Variants in FOXO1 observed in about 807,000 individuals in gnomAD.
FOXO1 encodes the protein forkhead box O1.
FOXO1 carries 6 observed loss-of-function variants against 44.1 expected under a neutral mutation model. That is an observed-to-expected ratio of 0.14 (90% CI 0.07 to 0.27). The LOEUF (loss-of-function observed/expected upper bound fraction) is 0.27, where lower values mean the gene tolerates loss of function less well. Among genes scored for constraint, FOXO1 ranks in the 10% least tolerant of loss-of-function variants. The probability of loss-of-function intolerance (pLI) is 1.00; values close to 1 mark genes in which losing one functional copy is unlikely to be tolerated. For synonymous variants in FOXO1, 380 were observed against 362.7 expected, an observed-to-expected ratio of 1.05 and a Z score of -0.54; for missense variants, 737 against 888.8, an observed-to-expected ratio of 0.83 and a Z score of 2.17.
chr13:40,642,361 G>C (rs774013551), intron 1 of FOXO1, among the ~76,000 whole-genome samples: 1 of 152,070 alleles, frequency 6.6e-6, no homozygotes, highest in Non-Finnish European at 1.5e-5. Context: ...CTCAACCAGT[G>C]TACTTCCCTC....
rs1366251126 is a variant in FOXO1 at position 40,556,016 on chromosome 13, G to A, written c.*3033C>T. On this transcript the variant is annotated 3_prime_UTR_variant, in exon 3 of 3. Coordinates refer to ENST00000379561, the MANE Select transcript of FOXO1 (RefSeq NM_002015.4). ...AGAGGCCAACTGTAATGCCAGGTTGGTCTGTTCGCATAAACCACAATACAT... is the reference window on the plus strand; with the variant it reads ...AGAGGCCAACTGTAATGCCAGGTTGATCTGTTCGCATAAACCACAATACAT... 6 of 152,292 alleles carry A rather than the reference G, an allele frequency of 3.9e-5. No homozygotes were observed. The highest frequency in any genetic ancestry group is 2.9e-5 in the Non-Finnish European group (2 of 68,040). 9.4% of individuals were successfully genotyped at this position (152,292 alleles called of 1,614,324 possible).
At chr13:40,646,079 A>G in intron 1 of FOXO1, among the ~76,000 whole-genome samples, 1 of 151,938 alleles carries the variant, frequency 6.6e-6, no homozygotes, top group Non-Finnish European at 1.5e-5. Context: ...AAAAAAAAAA[A>G]AAAAGTCATG....
intron 1 of FOXO1, among the ~76,000 whole-genome samples, chr13:40,652,119 C>T (rs1342286084): frequency 6.6e-6 from 1 of 152,114 alleles, no homozygotes; most frequent in African/African-American, 2.4e-5. Flanking sequence ...AAGTTCCCCT[C>T]TCCTCCCTCC....
chr13:40,635,631 A>G (rs1368555991), intron 1 of FOXO1, among the ~76,000 whole-genome samples: 1 of 152,222 alleles, frequency 6.6e-6, no homozygotes, highest in African/African-American at 2.4e-5. Context: ...TTTACAGAGG[A>G]AAATTGAGAT....
intron 1 of FOXO1, among the ~76,000 whole-genome samples, chr13:40,650,727 CTT>C (rs1877652219): frequency 6.6e-6 from 1 of 152,078 alleles, no homozygotes; most frequent in Non-Finnish European, 1.5e-5. Flanking sequence ...GGATTCTGCT[CTT>C]GTTTAGCTTT....
chr13:40,653,172 G>C (rs1410929700), intron 1 of FOXO1, among the ~76,000 whole-genome samples: 1 of 152,000 alleles, frequency 6.6e-6, no homozygotes, highest in Admixed American at 6.6e-5. Context: ...GTTTCACCAT[G>C]TTGCCAGGCT....
At chr13:40,607,176 T>G (rs1876029254) in intron 1 of FOXO1, among the ~76,000 whole-genome samples, 1 of 152,200 alleles carries the variant, frequency 6.6e-6, no homozygotes, top group South Asian at 2.1e-4. Context: ...GTTGGGCCTC[T>G]GGTACAGAAG....
In FOXO1 at chr13:40,637,559, A is replaced by G. The variant is rs377274263; in HGVS notation, c.630+28024T>C. On this transcript the variant is annotated intron_variant, in intron 1 of 2. Coordinates refer to ENST00000379561, the MANE Select transcript of FOXO1 (RefSeq NM_002015.4). The stretch of plus-strand genomic sequence containing the variant: ...CCAACTCAAAAAATGTCAGCCTTCT[A>G]TTTTCTGCTTTCTATATATAATCTG... 1.5e-4 allele frequency among the ~76,000 whole-genome samples: 22 copies of G among 151,496 alleles called. No individual in the cohort carries two copies. The East Asian group carries it at 2.9e-3, about 20-fold the overall frequency.
chr13:40,637,380 G>A (rs1877194889), intron 1 of FOXO1, among the ~76,000 whole-genome samples: 1 of 147,244 alleles, frequency 6.8e-6, no homozygotes, highest in Non-Finnish European at 1.5e-5. Flanking sequence ...GGAGGCGGAG[G>A]TTGCAGTGAG....
Position 40,559,491 on chromosome 13 carries a change from A to G in FOXO1, c.*14+18T>C. On this transcript the variant is annotated intron_variant, in intron 2 of 2. Coordinates refer to ENST00000379561, the MANE Select transcript of FOXO1 (RefSeq NM_002015.4). ...GTTCTATTTTTCAAAAGGTCTTTTG[A>G]TATTGGGGTGAACTTACCTGCTCAC... The G allele has an allele frequency of 4.6e-6, 7 of 1,531,876 alleles. No homozygotes were observed. The highest frequency in any genetic ancestry group is 6.1e-6 in the Non-Finnish European group (7 of 1,140,594). 94.9% of individuals were successfully genotyped at this position (1,531,876 alleles called of 1,614,324 possible).
intron 1 of FOXO1, among the ~76,000 whole-genome samples, chr13:40,627,931 T>C (rs769237877): frequency 6.6e-6 from 1 of 151,992 alleles, no homozygotes; most frequent in Non-Finnish European, 1.5e-5. Context: ...GAAATACACA[T>C]TGAAGCATTA....
At chr13:40,559,062 C>T (rs993582467) in intron 2 of FOXO1, 28 bp from the exon 3 acceptor site, 2 of 398,924 alleles carry the variant, frequency 5.0e-6, no homozygotes, top group Non-Finnish European at 8.8e-6. Context: ...CATACGCACA[C>T]ACACATACAC....
intron 1 of FOXO1, among the ~76,000 whole-genome samples, chr13:40,664,768 C>G (rs965752002): frequency 1.3e-5 from 2 of 151,778 alleles, no homozygotes; most frequent in African/African-American, 4.8e-5. Context: ...CGCGCTGGCC[C>G]TTTAAAGGCG....
chr13:40,561,265 T>G, intron 1 of FOXO1, among the ~76,000 whole-genome samples: 1 of 144,560 alleles, frequency 6.9e-6, no homozygotes. Flanking sequence ...GGCAGGAGAA[T>G]GGCGTGAACC....
At chr13:40,563,939 C>T (rs879926715) in intron 1 of FOXO1, among the ~76,000 whole-genome samples, 1 of 152,204 alleles carries the variant, frequency 6.6e-6, no homozygotes, top group Admixed American at 6.5e-5. Context: ...CAGGCATTTG[C>T]ACAATATTCC....
At chr13:40,631,792 A>G (rs540985890) in intron 1 of FOXO1, among the ~76,000 whole-genome samples, 4 of 152,390 alleles carry the variant, frequency 2.6e-5, no homozygotes, top group African/African-American at 9.6e-5. Context: ...TGTTTAACAG[A>G]CACAAAGTTA....
At chr13:40,665,262 C>T (rs1878189560) in intron 1 of FOXO1, among the ~76,000 whole-genome samples, 1 of 152,128 alleles carries the variant, frequency 6.6e-6, no homozygotes, top group African/African-American at 2.4e-5. Flanking sequence ...GGTTGCCGCT[C>T]CCAGCGAACC....
intron 1 of FOXO1, among the ~76,000 whole-genome samples, chr13:40,646,889 C>T (rs565229831): frequency 6.6e-6 from 1 of 152,244 alleles, no homozygotes; most frequent in Admixed American, 6.5e-5. Flanking sequence ...CCACCGCGCC[C>T]GGCCTGAACT....
chr13:40,563,521 G>A (rs868513952), intron 1 of FOXO1, among the ~76,000 whole-genome samples: 2 of 152,062 alleles, frequency 1.3e-5, no homozygotes, highest in African/African-American at 4.8e-5. Context: ...AGACACCACC[G>A]GAGCCCCAGA....
Sources: gnomAD v4.1 joint callset for allele counts (sites outside exome capture counted in the v4.1 genomes callset) on GRCh38, gnomAD v4.1.1 for gene constraint, MANE v1.5 for transcripts, NCBI Gene and HGNC (gene_info 2026-07-23, HGNC 2026-07-21) for gene names.